The following PROS1 variants were observed in gnomAD, a reference collection of about 807,000 sequenced individuals.
PROS1 encodes the protein protein S.
A neutral mutation model predicts 75.9 loss-of-function variants in PROS1; 29 were observed. The ratio of observed to expected loss-of-function variants is 0.38; its 90% CI spans 0.28 to 0.52. The LOEUF (loss-of-function observed/expected upper bound fraction) is 0.52, where lower values mean the gene tolerates loss of function less well. Ranked by LOEUF, PROS1 falls within the 20% of genes least tolerant of loss-of-function variation. The probability of loss-of-function intolerance (pLI) is 0.83; values close to 1 mark genes in which losing one functional copy is unlikely to be tolerated. For synonymous variants in PROS1, 245 were observed against 280.6 expected (o/e 0.87, Z 1.27); for missense variants, 680 against 810.3 (o/e 0.84, Z 1.95).
In PROS1 at chr3:93,934,142, T is replaced by G. The variant is rs191110159; in HGVS notation, c.77-6735A>C. Among the ~76,000 whole-genome samples the G allele has an allele frequency of 3.1e-3, 470 of 151,306 alleles. 3 individuals carry two copies. Among genetic ancestry groups the G allele is most frequent in the African/African-American group, 0.011 (452 of 41,214 alleles). On this transcript the variant is annotated intron_variant, in intron 1 of 14. Transcript: ENST00000394236. ...CTGGAGTGAGCAGAGATTGCGCCACTGCACTCCAGCCTGGGTGACAGAGCA... is the reference window on the plus strand; with the variant it reads ...CTGGAGTGAGCAGAGATTGCGCCACGGCACTCCAGCCTGGGTGACAGAGCA...
chr3:93,884,532 C>T (rs1708318197), intron 12 of PROS1, among the ~76,000 whole-genome samples, 196 bp downstream of exon 12: 1 of 152,172 alleles, frequency 6.6e-6, no homozygotes, highest in African/African-American at 2.4e-5. Flanking sequence ...AACACAAGCA[C>T]ATTCAAATGC....
intron 1 of PROS1, among the ~76,000 whole-genome samples, chr3:93,951,625 C>G (rs1159369143): frequency 6.6e-6 from 1 of 152,212 alleles, no homozygotes; most frequent in African/African-American, 2.4e-5. Flanking sequence ...CAACCAGTAC[C>G]AGCCACTGCA....
At chr3:93,935,587 T>C (rs575211754) in intron 1 of PROS1, among the ~76,000 whole-genome samples, 173 of 152,248 alleles carry the variant, frequency 1.1e-3, no homozygotes, top group Non-Finnish European at 1.6e-3. Flanking sequence ...CAATAGCCCC[T>C]AGATCCCTGA....
At chr3:93,901,066 A>T in intron 6 of PROS1, 137 bp from the exon 7 acceptor site, 1 of 859,052 alleles carries the variant, frequency 1.2e-6, no homozygotes, top group Middle Eastern at 2.2e-4. Flanking sequence ...ACCAAAAAAC[A>T]TTAAATCTAT....
intron 1 of PROS1, among the ~76,000 whole-genome samples, chr3:93,952,877 TA>T (rs750558832): frequency 5.9e-4 from 89 of 151,978 alleles, no homozygotes; most frequent in South Asian, 1.2e-3. Flanking sequence ...ATAGACACAA[TA>T]AAAAATGATA....
chr3:93,912,713 A>G (rs1708776930), intron 3 of PROS1, among the ~76,000 whole-genome samples: 1 of 152,180 alleles, frequency 6.6e-6, no homozygotes, highest in Non-Finnish European at 1.5e-5. Flanking sequence ...CCCTCTTGCT[A>G]CACCATCCCA....
At chr3:93,958,511 C>G (rs1709647181) in intron 1 of PROS1, 1 of 152,206 alleles carries the variant, frequency 6.6e-6, no homozygotes, top group African/African-American at 2.4e-5. Flanking sequence ...TTTCACTAAC[C>G]TCTTCCTCAC....
At chr3:93,958,002 C>T (rs1033370962) in intron 1 of PROS1, among the ~76,000 whole-genome samples, 3 of 151,938 alleles carry the variant, frequency 2.0e-5, no homozygotes, top group African/African-American at 7.2e-5. Flanking sequence ...GCAGGAGAAT[C>T]ACTTGAACCC....
At chr3:93,952,619 G>A (rs185380842) in intron 1 of PROS1, among the ~76,000 whole-genome samples, 1 of 152,276 alleles carries the variant, frequency 6.6e-6, no homozygotes, top group East Asian at 1.9e-4. Context: ...GCTCACAAAA[G>A]AAAGCAGGAA....
intron 3 of PROS1, among the ~76,000 whole-genome samples, chr3:93,917,360 C>T (rs1708872423): frequency 6.6e-6 from 1 of 152,200 alleles, no homozygotes; most frequent in Admixed American, 6.5e-5. Context: ...AGTGCAGTGG[C>T]ACGATCTTGG....
At chr3:93,954,258 G>T (rs529118826) in intron 1 of PROS1, among the ~76,000 whole-genome samples, 1 of 152,088 alleles carries the variant, frequency 6.6e-6, no homozygotes, top group Non-Finnish European at 1.5e-5. Context: ...AAAAGAGCCC[G>T]CATTGCCAAG....
intron 10 of PROS1, among the ~76,000 whole-genome samples, chr3:93,890,655 TG>T (rs1708418739): frequency 6.6e-6 from 1 of 152,182 alleles, no homozygotes; most frequent in South Asian, 2.1e-4. Context: ...AATGAAATAT[TG>T]GGGGCAGGTT....
chr3:93,911,050 C>T (rs953422353), intron 3 of PROS1: 19 of 291,188 alleles, frequency 6.5e-5, no homozygotes, highest in Middle Eastern at 1.2e-3. Context: ...AAGATGTTGC[C>T]CTCAAATCTA....
At chr3:93,959,435 C>T (rs1050109563) in intron 1 of PROS1, among the ~76,000 whole-genome samples, 110 of 152,200 alleles carry the variant, frequency 7.2e-4, no homozygotes, top group African/African-American at 2.6e-3. Flanking sequence ...ACCTTCTCCA[C>T]AAGCTGCATT....
intron 4 of PROS1, 49 bp downstream of exon 4, chr3:93,910,569 AC>A: frequency 6.9e-7 from 1 of 1,445,866 alleles, no homozygotes; most frequent in Non-Finnish European, 9.7e-7. Flanking sequence ...GGTGTACTTT[AC>A]CTACAGAGTT....
chr3:93,951,658 C>T (rs1397284101), intron 1 of PROS1, among the ~76,000 whole-genome samples: 1 of 152,142 alleles, frequency 6.6e-6, no homozygotes, highest in East Asian at 1.9e-4. Context: ...ATCGTAAACA[C>T]CATCGATGCT....
chr3:93,879,077 T>C (rs1342513377), intron 13 of PROS1, 86 bp downstream of exon 13: 1 of 1,302,520 alleles, frequency 7.7e-7, no homozygotes, highest in Non-Finnish European at 1.1e-6. Flanking sequence ...ATCTTCAAAA[T>C]AGTCCTTTGA....
chr3:93,935,100 A>G (rs1337830395), intron 1 of PROS1, among the ~76,000 whole-genome samples: 1 of 152,118 alleles, frequency 6.6e-6, no homozygotes, highest in Non-Finnish European at 1.5e-5. Context: ...TACACTGGCC[A>G]TTTCTTTTAT....
intron 3 of PROS1, among the ~76,000 whole-genome samples, chr3:93,912,023 C>G (rs1656760112): frequency 1.3e-5 from 2 of 152,184 alleles, no homozygotes; most frequent in Admixed American, 6.5e-5. Flanking sequence ...GTTTAAGTTA[C>G]CTATGGCTGC....
Sources: allele counts gnomAD v4.1 joint callset (sites outside exome capture counted in the v4.1 genomes callset), GRCh38; gene constraint gnomAD v4.1.1; transcripts MANE v1.5; gene names NCBI Gene and HGNC (gene_info 2026-07-23, HGNC 2026-07-21).